The following ALG11 variants were observed in gnomAD, a reference collection of about 807,000 sequenced individuals.
ALG11 encodes ALG11 alpha-1,2-mannosyltransferase, also known as GDP-Man:Man(3)GlcNAc(2)-PP-Dol alpha-1,2-mannosyltransferase.
A neutral mutation model predicts 38.8 loss-of-function variants in ALG11; 26 were observed. That is an observed-to-expected ratio of 0.67 (90% confidence interval 0.49 to 0.93). The LOEUF (loss-of-function observed/expected upper bound fraction) is 0.93. Ranked by LOEUF, ALG11 falls within the 40% of genes least tolerant of loss-of-function variation. The probability of loss-of-function intolerance (pLI) is 0.00; values close to 1 mark genes in which losing one functional copy is unlikely to be tolerated. For missense variants in ALG11, 535 were observed against 578.8 expected, an observed-to-expected ratio of 0.92 and a Z score of 0.78; for synonymous variants, 199 against 211.6, an observed-to-expected ratio of 0.94 and a Z score of 0.52.
intron 1 of ALG11, among the ~76,000 whole-genome samples, chr13:52,013,882 T>C (rs1002293435): frequency 6.6e-6 from 1 of 152,234 alleles, no homozygotes; most frequent in Non-Finnish European, 1.5e-5. Flanking sequence ...ATTAATGTAA[T>C]ATTTGCCTAT....
intron 1 of ALG11, among the ~76,000 whole-genome samples, chr13:52,013,369 T>C (rs576059792): frequency 7.9e-5 from 12 of 152,366 alleles, no homozygotes; most frequent in Admixed American, 7.8e-4. Context: ...CTACTTCAAA[T>C]TCTGTAATCA....
rs759428238 is a variant in ALG11 at position 52,030,275 on chromosome 13, G to T, written c.*1685G>T. 1.9e-6 allele frequency: 3 copies of T among 1,614,222 alleles called. No individual in the cohort carries two copies. The South Asian group carries it at 3.3e-5, about 18-fold the overall frequency. ...TCCCCAGGTCCAGAGAGAGGAACCT[G>T]CCCCAGAAGAAGCGGAACCCCTATT... On this transcript the variant is annotated 3_prime_UTR_variant, in exon 4 of 4. Coordinates refer to ENST00000521508, the MANE Select transcript of ALG11 (RefSeq NM_001004127.3).
rs189068089 is a variant in ALG11 at position 52,018,901 on chromosome 13, C to T, written c.45-12C>T. 2 of 1,609,290 alleles carry T rather than the reference C, an allele frequency of 1.2e-6. No individual in the cohort carries two copies. Among genetic ancestry groups the T allele is most frequent in the African/African-American group, 1.3e-5 (1 of 74,846 alleles). ...TATCACATTGATTCTCAACTTTGTC[C>T]TCTTATTTCAGGTTTTTTTATTCAT... On this transcript the variant is annotated splice_polypyrimidine_tract_variant and intron_variant, in intron 1 of 3. Coordinates refer to ENST00000521508, the MANE Select transcript of ALG11 (RefSeq NM_001004127.3).
chr13:52,031,029 C>T lies in ALG11; in HGVS notation c.*2439C>T. 1 of 1,614,174 alleles carries T rather than the reference C, an allele frequency of 6.2e-7. No individual in the cohort carries two copies. Among genetic ancestry groups the T allele is most frequent in the Non-Finnish European group, 8.5e-7 (1 of 1,180,030 alleles). On this transcript the variant is annotated 3_prime_UTR_variant, in exon 4 of 4. Coordinates refer to ENST00000521508, the MANE Select transcript of ALG11 (RefSeq NM_001004127.3). Reference sequence around the variant, plus strand: ...GAGGATGTGGGCTACCAGTCTTCCTCAAGGTCAGACCTGCCTGTCATACAG... The same window carrying T: ...GAGGATGTGGGCTACCAGTCTTCCTTAAGGTCAGACCTGCCTGTCATACAG...
rs773542021 is a variant in ALG11, at chr13:52,019,061, A to T, written c.193A>T (p.Ile65Phe). The change falls in exon 2 of 4, where the codon ATT (isoleucine) becomes TTT (phenylalanine). Residue 65 changes from isoleucine (I) to phenylalanine (F), a missense_variant. Physicochemically the swap from Ile to Phe is conservative, Grantham distance 21. Coordinates refer to ENST00000521508, the MANE Select transcript of ALG11 (RefSeq NM_001004127.3). ...CAAAAATGGGAAAAATCAAATGGTG[A>T]TTGCATTTTTTCATCCATACTGCAA... Reference protein sequence around the residue: ...TSKNGKNQMVIAFFHPYCNAG... With the variant: ...TSKNGKNQMVFAFFHPYCNAG... The T allele has an allele frequency of 4.3e-6, 7 of 1,614,086 alleles. No individual in the cohort carries two copies. The highest frequency in any genetic ancestry group is 1.1e-5 in the South Asian group (1 of 91,080).
In ALG11 at chr13:52,029,102, G is replaced by T. The variant is rs1033415754; in HGVS notation, c.*512G>T. 6.2e-7 allele frequency: 1 copy of T among 1,614,178 alleles called. No homozygotes were observed. Among genetic ancestry groups the T allele is most frequent in the African/African-American group, 1.3e-5 (1 of 75,044 alleles). ...GCCCGTTAAAACTTCATCTTCTTTG[G>T]CCACTGTAAAAAAGCAACTGAATAG... On this transcript the variant is annotated 3_prime_UTR_variant, in exon 4 of 4. Coordinates refer to ENST00000521508, the MANE Select transcript of ALG11 (RefSeq NM_001004127.3).
At position 52,013,761 on chromosome 13, in the gene ALG11, T is replaced by C. The variant is rs1954110024; in HGVS notation, c.44+1299T>C. 1.3e-5 allele frequency among the ~76,000 whole-genome samples: 2 copies of C among 152,266 alleles called. 1 individual carries two copies. The highest frequency in any genetic ancestry group is 4.1e-4 in the South Asian group (2 of 4,834). On this transcript the variant is annotated intron_variant, in intron 1 of 3. Coordinates refer to ENST00000521508, the MANE Select transcript of ALG11 (RefSeq NM_001004127.3). ...AATAAATGATAAATCTTACCACTTT[T>C]GTCAGACTCTGTTCATCCTTTAAGG...
chr13:52,031,326 CAA>C lies in ALG11; in HGVS notation c.*2737_*2738del, dbSNP rs1221024273. On this transcript the variant is annotated 3_prime_UTR_variant, in exon 4 of 4. Transcript: ENST00000521508. ...AATTCTAGTACATTTAAATTCTAAA[CAA>C]TACAGTGGATGACCCTTTTGAATAT... The C allele has an allele frequency of 1.5e-6, 1 of 664,234 alleles. No individual in the cohort carries two copies. Among genetic ancestry groups the C allele is most frequent in the South Asian group, 2.5e-5 (1 of 39,638 alleles). 41.1% of individuals were successfully genotyped at this position (664,234 alleles called of 1,614,324 possible). A position where few individuals can be genotyped will look rare whatever the true frequency, so the allele number is the denominator to read the frequency against.
intron 1 of ALG11, 82 bp from the exon 2 acceptor site, chr13:52,018,831 A>C (rs1467310025): frequency 9.1e-7 from 1 of 1,096,920 alleles, no homozygotes; most frequent in African/African-American, 1.6e-5. Context: ...TATATAAAGT[A>C]GATATGTAAA....
intron 1 of ALG11, among the ~76,000 whole-genome samples, chr13:52,014,944 T>C (rs1319503903): frequency 6.6e-6 from 1 of 152,212 alleles, no homozygotes; most frequent in Non-Finnish European, 1.5e-5. Context: ...TATTTCAGCT[T>C]TGAAATAAAG....
chr13:52,023,812 T>TTGG, intron 2 of ALG11, 194 bp from the exon 3 acceptor site: 2 of 247,118 alleles, frequency 8.1e-6, no homozygotes, highest in South Asian at 1.5e-4. Context: ...TTTTTTTTTT[T>TTGG]GAGATGGAGT....
rs1954271961 is a variant in ALG11, at chr13:52,029,201, T to C, written c.*611T>C. On this transcript the variant is annotated 3_prime_UTR_variant, in exon 4 of 4. Transcript: ENST00000521508. ...TGAACAGATCCACAGAGAAGTAGCA[T>C]TCAGTAAAACCTCACAGGTCCTCTC... The C allele has an allele frequency of 1.2e-6, 2 of 1,614,096 alleles. No homozygotes were observed. Among genetic ancestry groups the C allele is most frequent in the Admixed American group, 1.7e-5 (1 of 60,012 alleles).
At position 52,028,518 on chromosome 13, in the gene ALG11, A is replaced by C. The variant is rs41292794; in HGVS notation, c.1407A>C (p.Ala469=). 16 of 1,614,238 alleles carry C rather than the reference A, an allele frequency of 9.9e-6. No individual in the cohort carries two copies. The highest frequency in any genetic ancestry group is 1.3e-5 in the African/African-American group (1 of 75,062). The change falls in exon 4 of 4, where the codon GCA becomes GCC. Residue 469 remains alanine (A), a synonymous_variant. Transcript: ENST00000521508. Reference sequence around the variant, plus strand: ...TCCAAATCAGAAAAAGTGCTCGTGCATCTGTAAGCAGATTCTCTGATCAGG... The same window carrying C: ...TCCAAATCAGAAAAAGTGCTCGTGCCTCTGTAAGCAGATTCTCTGATCAGG... The part of the protein sequence containing the change: ...KRLQIRKSAR[A]SVSRFSDQEF...
At position 52,029,877 on chromosome 13, in the gene ALG11, A is replaced by G. The variant is rs1178935490; in HGVS notation, c.*1287A>G. 12 of 1,614,216 alleles carry G rather than the reference A, an allele frequency of 7.4e-6. No homozygotes were observed. Among genetic ancestry groups the G allele is most frequent in the Non-Finnish European group, 1.0e-5 (12 of 1,180,036 alleles). ...GAAGTGGAAGAACTCCTTGTCCCTC[A>G]TGTAGCGAATGAAGTGCAGATGAAT... On this transcript the variant is annotated 3_prime_UTR_variant, in exon 4 of 4. Transcript: ENST00000521508.
chr13:52,020,334 A>G (rs1480904132), intron 2 of ALG11, among the ~76,000 whole-genome samples: 1 of 152,176 alleles, frequency 6.6e-6, no homozygotes, highest in African/African-American at 2.4e-5. Context: ...TCATATGAGG[A>G]AAACTGTTAC....
chr13:52,024,513 A>G lies in ALG11; in HGVS notation c.783A>G (p.Thr261=). 2 of 1,614,202 alleles carry G rather than the reference A, an allele frequency of 1.2e-6. No individual in the cohort carries two copies. Among genetic ancestry groups the G allele is most frequent in the Non-Finnish European group, 1.7e-6 (2 of 1,180,036 alleles). The change falls in exon 3 of 4, where the codon ACA becomes ACG. Residue 261 remains threonine, a synonymous_variant. Transcript: ENST00000521508. ...TAGTCATGGTCAATTCTTCTTGGAC[A>G]CTAAACCATATTCTCTCACTATGGA... ...SDVVMVNSSW[T]LNHILSLWKV...
At chr13:52,026,433 C>T (rs1353538501) in intron 3 of ALG11, among the ~76,000 whole-genome samples, 2 of 152,144 alleles carry the variant, frequency 1.3e-5, no homozygotes, top group African/African-American at 2.4e-5. Flanking sequence ...ATTCTGGCCA[C>T]ATGGGGAGTG....
chr13:52,026,520 G>A (rs1194544887), intron 3 of ALG11, among the ~76,000 whole-genome samples: 5 of 152,190 alleles, frequency 3.3e-5, no homozygotes, highest in Non-Finnish European at 7.3e-5. Flanking sequence ...CCAGATGGAG[G>A]TGCTCATGAG....
At chr13:52,015,314 G>A (rs1954125494) in intron 1 of ALG11, among the ~76,000 whole-genome samples, 1 of 152,172 alleles carries the variant, frequency 6.6e-6, no homozygotes, top group Admixed American at 6.5e-5. Context: ...TCTGAGGCAG[G>A]AGGATCGCTT....
Sources: allele counts gnomAD v4.1 joint callset (sites outside exome capture counted in the v4.1 genomes callset), GRCh38; gene constraint gnomAD v4.1.1; transcripts MANE v1.5; gene names NCBI Gene and HGNC (gene_info 2026-07-23, HGNC 2026-07-21).